CDK14: variants seen among roughly 807,000 people sequenced by gnomAD.
CDK14 encodes the protein cyclin-dependent kinase 14.
CDK14 carries 34 observed loss-of-function variants against 60.7 expected under a neutral mutation model. The ratio of observed to expected loss-of-function variants is 0.56; its 90% CI spans 0.43 to 0.75. The LOEUF (loss-of-function observed/expected upper bound fraction) is 0.75. Among genes scored for constraint, CDK14 ranks in the 30% least tolerant of loss-of-function variants. The probability of loss-of-function intolerance (pLI) is 0.00; values close to 1 mark genes in which losing one functional copy is unlikely to be tolerated. For synonymous variants in CDK14, 197 were observed against 203.7 expected, an observed-to-expected ratio of 0.97 and a Z score of 0.28; for missense variants, 482 against 564.1, an observed-to-expected ratio of 0.85 and a Z score of 1.47.
chr7:90,788,625 C>T (rs142904300), intron 4 of CDK14, among the ~76,000 whole-genome samples: 136 of 152,216 alleles, frequency 8.9e-4, no homozygotes, highest in Admixed American at 1.4e-3. Flanking sequence ...AATGTATTTC[C>T]GCAATCAGTT....
intron 4 of CDK14, among the ~76,000 whole-genome samples, chr7:90,759,097 A>G (rs955887646): frequency 2.0e-5 from 3 of 152,022 alleles, no homozygotes; most frequent in South Asian, 2.1e-4. Context: ...ATCCAGGTAA[A>G]ATGGTGTGGG....
At chr7:90,709,770 C>CTT (rs59896030) in intron 2 of CDK14, 49 of 1,164,372 alleles carry the variant, frequency 4.2e-5, no homozygotes, top group East Asian at 1.3e-4. Flanking sequence ...GATTTCTGGG[C>CTT]TTTTTTTTTT....
At chr7:90,598,359 T>C (rs1297051681) in intron 1 of CDK14, among the ~76,000 whole-genome samples, 1 of 152,200 alleles carries the variant, frequency 6.6e-6, no homozygotes, top group Non-Finnish European at 1.5e-5. Context: ...TAATTGGATT[T>C]TCTAGCTTAC....
At chr7:91,133,188 A>G (rs971046483) in intron 14 of CDK14, among the ~76,000 whole-genome samples, 5 of 152,130 alleles carry the variant, frequency 3.3e-5, no homozygotes, top group African/African-American at 9.6e-5. Flanking sequence ...TCAGCAGTCA[A>G]TTGGTGTGCA....
intron 2 of CDK14, among the ~76,000 whole-genome samples, chr7:90,639,302 T>G (rs1469572202): frequency 6.6e-6 from 1 of 151,966 alleles, no homozygotes; most frequent in Non-Finnish European, 1.5e-5. Flanking sequence ...ACAGATGGGT[T>G]TTTGGTGTGG....
In CDK14 at chr7:90,790,424, G is replaced by T. The variant is rs1402492651; in HGVS notation, c.465-149G>T. ...TTATGATGATGATACAGAATTCCCAGCCGAAACCTTGCTTTGGTGGTATAA... is the reference window on the plus strand; with the variant it reads ...TTATGATGATGATACAGAATTCCCATCCGAAACCTTGCTTTGGTGGTATAA... On this transcript the variant is annotated intron_variant, in intron 4 of 14. Coordinates refer to ENST00000380050, the MANE Select transcript of CDK14 (RefSeq NM_001287135.2). The T allele has an allele frequency of 7.7e-5, 39 of 507,778 alleles. No homozygotes were observed. In the East Asian group the frequency reaches 1.3e-3, roughly 17 times the overall value. 31.5% of individuals were successfully genotyped at this position (507,778 alleles called of 1,614,324 possible). A position where few individuals can be genotyped will look rare whatever the true frequency, so the allele number is the denominator to read the frequency against.
intron 4 of CDK14, among the ~76,000 whole-genome samples, chr7:90,774,667 G>A (rs1434217372): frequency 6.6e-6 from 1 of 152,156 alleles, no homozygotes; most frequent in Non-Finnish European, 1.5e-5. Flanking sequence ...CCAGGCTACT[G>A]TGAAATTTTC....
chr7:91,092,468 G>GTTTT (rs1339837906), intron 12 of CDK14, among the ~76,000 whole-genome samples: 13 of 152,194 alleles, frequency 8.5e-5, no homozygotes, highest in African/African-American at 2.9e-4. Flanking sequence ...TTTTAGCAGT[G>GTTTT]TTTTTTAGTA....
At chr7:91,188,168 T>C (rs1310328602) in intron 14 of CDK14, among the ~76,000 whole-genome samples, 3 of 152,132 alleles carry the variant, frequency 2.0e-5, no homozygotes, top group Non-Finnish European at 4.4e-5. Context: ...TTCTGCATGG[T>C]TACTGTGTGA....
chr7:90,948,712 G>A (rs1204318422), intron 8 of CDK14, among the ~76,000 whole-genome samples: 1 of 152,222 alleles, frequency 6.6e-6, no homozygotes, highest in Non-Finnish European at 1.5e-5. Context: ...AAAGACAAAT[G>A]CCTGGCTCTC....
intron 6 of CDK14, among the ~76,000 whole-genome samples, chr7:90,881,020 T>C (rs1212874689): frequency 6.6e-6 from 1 of 152,126 alleles, no homozygotes; most frequent in Non-Finnish European, 1.5e-5. Flanking sequence ...CCCAAAAGGC[T>C]AGAGGGCCTC....
intron 11 of CDK14, among the ~76,000 whole-genome samples, chr7:91,055,438 A>G (rs779912835): frequency 3.3e-5 from 5 of 152,226 alleles, no homozygotes; most frequent in Non-Finnish European, 7.3e-5. Flanking sequence ...GGGCATCAGT[A>G]ATGATGGAGA....
At chr7:90,661,231 A>G (rs1800859585) in intron 2 of CDK14, among the ~76,000 whole-genome samples, 1 of 151,612 alleles carries the variant, frequency 6.6e-6, no homozygotes, top group Admixed American at 6.6e-5. Flanking sequence ...AAAAGCCAAA[A>G]CAAAACATCT....
chr7:91,055,091 G>A (rs1288437723), intron 11 of CDK14, among the ~76,000 whole-genome samples: 1 of 152,126 alleles, frequency 6.6e-6, no homozygotes, highest in Non-Finnish European at 1.5e-5. Context: ...CTATAAAAGC[G>A]AGTACTAACT....
chr7:91,097,492 A>G (rs1419716586), intron 12 of CDK14, among the ~76,000 whole-genome samples: 2 of 152,204 alleles, frequency 1.3e-5, no homozygotes, highest in Admixed American at 6.6e-5. Context: ...TAATTGATAC[A>G]AAAAATTATA....
At position 91,198,824 on chromosome 7, in the gene CDK14, T is replaced by C. The variant is rs564033522; in HGVS notation, c.*29-8341T>C. Among the ~76,000 whole-genome samples the C allele has an allele frequency of 4.6e-5, 7 of 152,320 alleles. No homozygotes were observed. The East Asian group carries it at 1.3e-3, about 29-fold the overall frequency. On this transcript the variant is annotated intron_variant, in intron 14 of 14. Transcript: ENST00000380050. ...AAAACTGCTGCAATACATTGGATAA[T>C]AATACCAGACAAGTTTTAATTTGGA...
At chr7:90,606,886 A>G (rs1799429609) in intron 2 of CDK14, among the ~76,000 whole-genome samples, 1 of 152,248 alleles carries the variant, frequency 6.6e-6, no homozygotes, top group Non-Finnish European at 1.5e-5. Context: ...CCCGGCCATG[A>G]CATTCTCATT....
chr7:90,810,928 C>T (rs1430710464), intron 5 of CDK14, among the ~76,000 whole-genome samples: 1 of 151,874 alleles, frequency 6.6e-6, no homozygotes, highest in Non-Finnish European at 1.5e-5. Flanking sequence ...AGGACCTCTT[C>T]AAGGAGAACT....
intron 4 of CDK14, among the ~76,000 whole-genome samples, chr7:90,750,725 T>C (rs1803806110): frequency 6.6e-6 from 1 of 151,978 alleles, no homozygotes; most frequent in African/African-American, 2.4e-5. Context: ...ACAGAAAAAT[T>C]AGCTAGGTGT....
Sources: gnomAD v4.1 joint callset for allele counts (sites outside exome capture counted in the v4.1 genomes callset) on GRCh38, gnomAD v4.1.1 for gene constraint, MANE v1.5 for transcripts, NCBI Gene and HGNC (gene_info 2026-07-23, HGNC 2026-07-21) for gene names.